Variants in CD8B2 observed in about 807,000 individuals in gnomAD.
CD8B2 encodes T-cell surface glycoprotein CD8 beta-2 chain.
Under a neutral mutation model 23.7 loss-of-function variants are expected in CD8B2, and 11 were observed. The ratio of observed to expected loss-of-function variants is 0.46; its 90% CI spans 0.29 to 0.77. The LOEUF is 0.77. Ranked by LOEUF, CD8B2 falls within the 30% of genes least tolerant of loss-of-function variation. CD8B2 has a pLI of 0.09. For synonymous variants in CD8B2, 90 were observed against 109.3 expected (o/e 0.82, Z 1.10); for missense variants, 197 against 270.5 (o/e 0.73, Z 1.91).
chr2:106,498,209 G>A (rs1451083599), intron 3 of CD8B2, among the ~76,000 whole-genome samples: 58 of 151,114 alleles, frequency 3.8e-4, no homozygotes, highest in Non-Finnish European at 6.9e-4. Context: ...GTGCAGTGGC[G>A]TGATCTCAGC....
chr2:106,522,584 G>A (rs924337204), intron 5 of CD8B2, among the ~76,000 whole-genome samples: 4 of 152,094 alleles, frequency 2.6e-5, no homozygotes, highest in Non-Finnish European at 5.9e-5. Context: ...CAGGTCTGGG[G>A]TCCCTTTAGC....
chr2:106,522,460 A>G (rs893459011), intron 5 of CD8B2, among the ~76,000 whole-genome samples: 11 of 152,214 alleles, frequency 7.2e-5, no homozygotes, highest in African/African-American at 2.2e-4. Flanking sequence ...GTCCAAAATC[A>G]AATTATTTTG....
At chr2:106,499,510 C>T (rs1264199080) in intron 3 of CD8B2, among the ~76,000 whole-genome samples, 26 of 131,506 alleles carry the variant, frequency 2.0e-4, no homozygotes, top group South Asian at 5.2e-4. Context: ...TCAGCCTGGG[C>T]GACAGAGCAA....
At chr2:106,542,603 C>T (rs913086730) in intron 5 of CD8B2, among the ~76,000 whole-genome samples, 2 of 147,970 alleles carry the variant, frequency 1.4e-5, no homozygotes, top group Admixed American at 1.4e-4. Context: ...AAATCCTTCC[C>T]CATGAAGGAT....
In CD8B2 at chr2:106,520,783, T is replaced by C. The variant is rs750462610; in HGVS notation, c.620+16458T>C. On this transcript the variant is annotated intron_variant, in intron 5 of 5. Coordinates refer to the CD8B2 transcript ENST00000416057. ...TACTCGGGAGGCTGAGACAGGAGAA[T>C]CGCTGGAACCTGGGAGGTGGAGGTT... Among the ~76,000 whole-genome samples, 137 of 152,032 alleles carry C rather than the reference T, an allele frequency of 9.0e-4. 1 individual carries two copies. The highest frequency in any genetic ancestry group is 1.4e-3 in the Non-Finnish European group (95 of 68,014).
Position 106,504,292 on chromosome 2 carries a change from G to T in CD8B2, c.587G>T (p.Arg196Leu), listed in dbSNP as rs941733414. 6 of 1,556,062 alleles carry T rather than the reference G, an allele frequency of 3.9e-6. No individual in the cohort carries two copies. The highest frequency in any genetic ancestry group is 1.4e-5 in the African/African-American group (1 of 73,400). Reference protein sequence around the residue: ...SLGVAMHLCCRRRRARLRFMK... With the variant: ...SLGVAMHLCCLRRRARLRFMK... Reference sequence around the variant, plus strand: ...CGCCCTTGCTTTCCTCTTCCAGGCCGGCGGAGGAGAGCCCGGCTTCGTTTC... The same window carrying T: ...CGCCCTTGCTTTCCTCTTCCAGGCCTGCGGAGGAGAGCCCGGCTTCGTTTC... Residue 196 changes from arginine to leucine, a missense_variant, in exon 5 of 6, where the codon CGG (arginine) becomes CTG (leucine). This residue lies in a region of CD8B2 where 22 missense variants were observed against 23.4 expected (regional missense o/e 0.94). Transcript: ENST00000643224.
chr2:106,523,533 C>T (rs1031593153), intron 5 of CD8B2, among the ~76,000 whole-genome samples: 6 of 152,064 alleles, frequency 3.9e-5, no homozygotes, highest in African/African-American at 1.2e-4. Context: ...AGATGGCTAA[C>T]TAGAAATAGG....
chr2:106,543,854 T>C (rs1055541847), intron 5 of CD8B2: 3 of 392,258 alleles, frequency 7.6e-6, no homozygotes, highest in Non-Finnish European at 1.3e-5. Context: ...TTCTATGAGT[T>C]TCACAGGTTC....
chr2:106,501,023 T>C (rs1275488034), intron 3 of CD8B2, among the ~76,000 whole-genome samples: 1 of 152,226 alleles, frequency 6.6e-6, no homozygotes, highest in Non-Finnish European at 1.5e-5. Flanking sequence ...GGTGCACTAT[T>C]GGCGGGTGGG....
At chr2:106,493,812 G>A (rs1455890113) in intron 2 of CD8B2, among the ~76,000 whole-genome samples, 1 of 152,170 alleles carries the variant, frequency 6.6e-6, no homozygotes, top group African/African-American at 2.4e-5. Context: ...GCCAGTGGCT[G>A]TCTAACTTTG....
At chr2:106,487,614 G>A (rs555792700) in intron 1 of CD8B2, 145 bp downstream of exon 1, 40 of 420,736 alleles carry the variant, frequency 9.5e-5, no homozygotes, top group Non-Finnish European at 1.2e-4. Context: ...AGCTTGGCAG[G>A]CAGGGTCCCT....
chr2:106,520,499 C>T (rs1461418952), intron 5 of CD8B2, among the ~76,000 whole-genome samples: 1 of 152,298 alleles, frequency 6.6e-6, no homozygotes, highest in African/African-American at 2.4e-5. Flanking sequence ...GTCTTTCAAG[C>T]CTCCTGAAGT....
chr2:106,505,891 G>A (rs1679495634), intron 5 of CD8B2, among the ~76,000 whole-genome samples: 1 of 152,180 alleles, frequency 6.6e-6, no homozygotes, highest in African/African-American at 2.4e-5. Flanking sequence ...AGCACTTTGG[G>A]AGGCCCAAGG....
At chr2:106,520,461 G>T (rs1679806585) in intron 5 of CD8B2, among the ~76,000 whole-genome samples, 1 of 152,168 alleles carries the variant, frequency 6.6e-6, no homozygotes, top group Non-Finnish European at 1.5e-5. Context: ...AGAAGGCCAA[G>T]GGGGATTAGG....
Position 106,510,813 on chromosome 2 carries a change from A to C in CD8B2, c.*3873A>C, listed in dbSNP as rs1022384760. 1.3e-5 allele frequency: 2 copies of C among 152,120 alleles called. No individual in the cohort carries two copies. The highest frequency in any genetic ancestry group is 4.8e-5 in the African/African-American group (2 of 41,440). The allele number at this position is 152,120 out of a possible 1,614,324, so 9.4% of individuals were successfully genotyped here. ...AAAACATAAAATTGAAATCTCGAGA[A>C]TATAATACATAAAATAGAGAATATA... On this transcript the variant is annotated 3_prime_UTR_variant, in exon 6 of 6. Transcript: ENST00000643224.
intron 3 of CD8B2, among the ~76,000 whole-genome samples, chr2:106,499,464 G>A (rs1254665111): frequency 6.6e-6 from 1 of 150,956 alleles, no homozygotes; most frequent in Non-Finnish European, 1.5e-5. Flanking sequence ...CCCAGGAGGT[G>A]GAGGTTGTGG....
At chr2:106,511,189 G>A (rs1300174233), downstream of CD8B2, 2 of 152,200 alleles carry the variant, frequency 1.3e-5, no homozygotes, top group Non-Finnish European at 2.9e-5. Context: ...AAATCACGGT[G>A]AGGCAGGTCC....
intron 2 of CD8B2, 36 bp from the exon 3 acceptor site, chr2:106,496,137 C>G (rs1205358936): frequency 1.3e-6 from 2 of 1,548,670 alleles, no homozygotes; most frequent in East Asian, 4.9e-5. Context: ...GTGGTGTTCA[C>G]TTGGCTAAGA....
chr2:106,531,453 T>C (rs1216648565), intron 5 of CD8B2, among the ~76,000 whole-genome samples: 1 of 152,166 alleles, frequency 6.6e-6, no homozygotes, highest in East Asian at 1.9e-4. Flanking sequence ...CTGTCCTCTA[T>C]CACACGAGTT....
Sources: allele counts gnomAD v4.1 joint callset (sites outside exome capture counted in the v4.1 genomes callset), GRCh38; gene constraint gnomAD v4.1.1; regional missense constraint gnomAD v4.1.1; transcripts MANE v1.5; gene names NCBI Gene and HGNC (gene_info 2026-07-23, HGNC 2026-07-21).